Variants in BCAP29 observed in about 807,000 individuals in gnomAD.
The protein encoded by BCAP29 is B cell receptor associated protein 29.
In BCAP29, 34 loss-of-function variants were observed where a neutral mutation model predicts 31.8. That is an observed-to-expected ratio of 1.07 (90% confidence interval 0.81 to 1.42). The LOEUF (loss-of-function observed/expected upper bound fraction) is 1.42. Ranked by LOEUF, BCAP29 falls within the 40% of genes most tolerant of loss-of-function variation. BCAP29 has a pLI of 0.00. For synonymous variants in BCAP29, 104 were observed against 91.3 expected (o/e 1.14, Z -0.79); for missense variants, 314 against 269.2 (o/e 1.17, Z -1.16).
chr7:107,621,898 G>A (rs906647295), downstream of BCAP29: 2 of 534,456 alleles, frequency 3.7e-6, no homozygotes, highest in African/African-American at 3.9e-5. Context: ...TGTTACTGCT[G>A]CCATAGTAAA....
chr7:107,615,595 C>CA, intron 7 of BCAP29: 1 of 220,760 alleles, frequency 4.5e-6, no homozygotes, highest in Admixed American at 4.6e-5. Context: ...GACTCCATCT[C>CA]AGAAAAAAAA....
intron 5 of BCAP29, among the ~76,000 whole-genome samples, chr7:107,598,961 ATATAAATTTATATATC>A (rs1306130525): frequency 7.0e-6 from 1 of 142,336 alleles, no homozygotes; most frequent in African/African-American, 2.6e-5. Flanking sequence ...ACACGTGTAT[ATATAAATTTATATATC>A]TATAAATTTA....
intron 3 of BCAP29, among the ~76,000 whole-genome samples, chr7:107,593,146 A>G (rs1421316676): frequency 2.0e-5 from 3 of 152,210 alleles, no homozygotes; most frequent in South Asian, 2.1e-4. Flanking sequence ...TTGTGTGGCA[A>G]TAACTCTTAC....
At chr7:107,616,137 G>A (rs1316867856) in intron 7 of BCAP29, 1 of 152,282 alleles carries the variant, frequency 6.6e-6, no homozygotes, top group Admixed American at 6.5e-5. Flanking sequence ...CTCAGTCTGG[G>A]CAGGTTTAGC....
At chr7:107,617,241 A>T (rs995099808) in intron 7 of BCAP29, among the ~76,000 whole-genome samples, 2 of 152,218 alleles carry the variant, frequency 1.3e-5, no homozygotes, top group Admixed American at 1.3e-4. Flanking sequence ...CACAGTTGAC[A>T]TATTTTCATT....
chr7:107,598,300 AT>A (rs34936998), intron 5 of BCAP29, among the ~76,000 whole-genome samples: 3,567 of 152,190 alleles, frequency 0.023, 141 homozygotes, highest in African/African-American at 0.081. Context: ...ATTTGGAGAA[AT>A]TTTTTTCTTG....
At position 107,618,370 on chromosome 7, in the gene BCAP29, TA is replaced by T. The variant is rs1814564931; in HGVS notation, c.*11del. ...CAACAAGAAAAGACTGTGAACTTTATAAAAGACACTTGCAATATACTGTGTC... is the reference window on the plus strand; with the variant it reads ...CAACAAGAAAAGACTGTGAACTTTATAAAGACACTTGCAATATACTGTGTC... On this transcript the variant is annotated 3_prime_UTR_variant, in exon 8 of 8. Coordinates refer to ENST00000005259, the MANE Select transcript of BCAP29 (RefSeq NM_018844.4). The T allele has an allele frequency of 1.2e-6, 2 of 1,608,396 alleles. No homozygotes were observed. Among genetic ancestry groups the T allele is most frequent in the East Asian group, 4.5e-5 (2 of 44,686 alleles).
chr7:107,593,987 G>T lies in BCAP29; in HGVS notation c.226G>T (p.Val76Phe), dbSNP rs1165594443. The T allele has an allele frequency of 1.9e-6, 3 of 1,613,854 alleles. No individual in the cohort carries two copies. The highest frequency in any genetic ancestry group is 2.5e-6 in the Non-Finnish European group (3 of 1,179,936). ...GAGAGAAGTAAGGAAATATTCCTCA[G>T]TTCATACCATTGAGAAGAGCTCCAC... Reference protein sequence around the residue: ...AVREVRKYSSVHTIEKSSTSR... With the variant: ...AVREVRKYSSFHTIEKSSTSR... The change falls in exon 4 of 8, where the codon GTT becomes TTT. Residue 76 changes from valine to phenylalanine, a missense_variant. By Grantham distance (50) the Val-to-Phe change is conservative. Transcript: ENST00000005259.
intron 5 of BCAP29, among the ~76,000 whole-genome samples, chr7:107,596,666 G>A (rs1809872054): frequency 6.6e-6 from 1 of 152,124 alleles, no homozygotes; most frequent in Admixed American, 6.5e-5. Context: ...TTGGAGTAAT[G>A]ATTTGTAACC....
chr7:107,623,243 C>G (rs1815114940), downstream of BCAP29: 1 of 152,130 alleles, frequency 6.6e-6, no homozygotes, highest in African/African-American at 2.4e-5. Context: ...ATATGTTTGT[C>G]CTATGCAGCA....
chr7:107,584,512 T>C (rs1306740641), intron 3 of BCAP29, among the ~76,000 whole-genome samples: 1 of 152,108 alleles, frequency 6.6e-6, no homozygotes, highest in Non-Finnish European at 1.5e-5. Context: ...AGTTTGAGAC[T>C]AGCCTGGGCA....
chr7:107,583,524 A>G (rs950722282), intron 2 of BCAP29, among the ~76,000 whole-genome samples: 1 of 152,130 alleles, frequency 6.6e-6, no homozygotes, highest in Non-Finnish European at 1.5e-5. Flanking sequence ...ATATATCTTT[A>G]TTTCTAAGTC....
intron 3 of BCAP29, among the ~76,000 whole-genome samples, chr7:107,589,047 G>T (rs574572602): frequency 6.6e-6 from 1 of 152,214 alleles, no homozygotes; most frequent in Admixed American, 6.5e-5. Context: ...TAGGAATAGA[G>T]ACTATATCCC....
intron 3 of BCAP29, among the ~76,000 whole-genome samples, chr7:107,588,804 C>T (rs1808192966): frequency 6.6e-6 from 1 of 152,184 alleles, no homozygotes; most frequent in Non-Finnish European, 1.5e-5. Context: ...CCCCAAAATC[C>T]ACATGTAAAC....
At chr7:107,612,352 A>G (rs1227962460) in intron 6 of BCAP29, among the ~76,000 whole-genome samples, 1 of 144,518 alleles carries the variant, frequency 6.9e-6, no homozygotes, top group East Asian at 2.1e-4. Context: ...GCTCTTCTAC[A>G]TATTTTGCTC....
chr7:107,613,104 C>T (rs908927881), intron 6 of BCAP29, among the ~76,000 whole-genome samples: 1 of 151,980 alleles, frequency 6.6e-6, no homozygotes, highest in Non-Finnish European at 1.5e-5. Flanking sequence ...AATACATTCA[C>T]AGAAATGTAT....
chr7:107,612,590 T>G (rs1414055336), intron 6 of BCAP29, among the ~76,000 whole-genome samples: 2 of 151,766 alleles, frequency 1.3e-5, no homozygotes, highest in African/African-American at 4.8e-5. Context: ...TATATATTGC[T>G]GCTTTAGTTA....
At chr7:107,622,312 C>G (rs1040305713), downstream of BCAP29, 2 of 162,194 alleles carry the variant, frequency 1.2e-5, no homozygotes, top group African/African-American at 4.8e-5. Context: ...CAATTCTTTC[C>G]AACTGCAGTT....
At chr7:107,592,431 TAAC>T (rs1314603364) in intron 3 of BCAP29, among the ~76,000 whole-genome samples, 2 of 152,124 alleles carry the variant, frequency 1.3e-5, no homozygotes, top group Non-Finnish European at 2.9e-5. Context: ...AAAAATATAA[TAAC>T]AAGTGTTGCT....
Sources: allele counts gnomAD v4.1 joint callset (sites outside exome capture counted in the v4.1 genomes callset), GRCh38; gene constraint gnomAD v4.1.1; transcripts MANE v1.5; gene names NCBI Gene and HGNC (gene_info 2026-07-23, HGNC 2026-07-21).